The following AGBL1 variants were observed in gnomAD, a reference collection of about 807,000 sequenced individuals.
The protein encoded by AGBL1 is cytosolic carboxypeptidase 4.
Under a neutral mutation model 118.9 loss-of-function variants are expected in AGBL1, and 130 were observed. The observed-to-expected ratio is 1.09, with a 90% CI of 0.95 to 1.26. The LOEUF (loss-of-function observed/expected upper bound fraction) is 1.26. Ranked by LOEUF, AGBL1 falls within the 50% of genes most tolerant of loss-of-function variation. The pLI, the probability that AGBL1 is intolerant of heterozygous loss-of-function variation, is 0.00. For missense variants in AGBL1, 1,584 were observed against 1,298.1 expected, an observed-to-expected ratio of 1.22 and a Z score of -3.38; for synonymous variants, 555 against 478.9, an observed-to-expected ratio of 1.16 and a Z score of -2.08.
intron 22 of AGBL1, among the ~76,000 whole-genome samples, chr15:86,689,627 A>G (rs1030744206): frequency 1.3e-5 from 2 of 152,120 alleles, no homozygotes; most frequent in African/African-American, 4.8e-5. Context: ...GATATTAATT[A>G]ACCTTGATGG....
At chr15:86,204,929 A>G (rs1333642950) in intron 5 of AGBL1, among the ~76,000 whole-genome samples, 1 of 152,108 alleles carries the variant, frequency 6.6e-6, no homozygotes, top group African/African-American at 2.4e-5. Flanking sequence ...ATTGTCACCC[A>G]AAGTCCATAG....
intron 21 of AGBL1, among the ~76,000 whole-genome samples, chr15:86,662,530 G>T (rs1241524930): frequency 6.6e-6 from 1 of 152,330 alleles, no homozygotes; most frequent in South Asian, 2.1e-4. Context: ...TTGCTGGAGA[G>T]TGTATTTTGG....
intron 16 of AGBL1, among the ~76,000 whole-genome samples, chr15:86,292,445 C>T (rs1035995909): frequency 7.2e-5 from 11 of 152,066 alleles, no homozygotes; most frequent in African/African-American, 2.7e-4. Context: ...TTGAATTTTG[C>T]CCAGTGGGAC....
chr15:86,881,901 C>T (rs2079897122), intron 22 of AGBL1, among the ~76,000 whole-genome samples: 1 of 152,064 alleles, frequency 6.6e-6, no homozygotes, highest in African/African-American at 2.4e-5. Context: ...CTAGGTAGTA[C>T]CAAAAGGGGA....
chr15:86,208,610 G>T (rs950523804), intron 5 of AGBL1, among the ~76,000 whole-genome samples: 1 of 152,116 alleles, frequency 6.6e-6, no homozygotes, highest in Non-Finnish European at 1.5e-5. Flanking sequence ...TTTGTGTAGA[G>T]GTGTTTATAG....
At chr15:86,378,104 G>C (rs1299858583) in intron 17 of AGBL1, among the ~76,000 whole-genome samples, 7 of 152,116 alleles carry the variant, frequency 4.6e-5, no homozygotes, top group Non-Finnish European at 1.0e-4. Context: ...TCATACCACA[G>C]TGTGTACATA....
At chr15:86,861,022 G>A (rs1355503997) in intron 22 of AGBL1, among the ~76,000 whole-genome samples, 3 of 152,060 alleles carry the variant, frequency 2.0e-5, no homozygotes, top group Non-Finnish European at 4.4e-5. Context: ...TCCAAGTGAT[G>A]GGCCTTCTTA....
intron 1 of AGBL1, among the ~76,000 whole-genome samples, chr15:86,095,504 G>A (rs1896307052): frequency 2.6e-5 from 4 of 152,056 alleles, no homozygotes; most frequent in Admixed American, 2.6e-4. Flanking sequence ...CTGTGTCAGG[G>A]ACCAGGGACT....
intron 22 of AGBL1, among the ~76,000 whole-genome samples, chr15:86,732,124 G>A (rs142566498): frequency 9.2e-5 from 14 of 152,166 alleles, no homozygotes; most frequent in East Asian, 1.9e-4. Flanking sequence ...AAGAATTTGC[G>A]GACAGTAAAT....
intron 22 of AGBL1, among the ~76,000 whole-genome samples, chr15:86,785,128 A>G (rs1322680804): frequency 6.6e-6 from 1 of 152,050 alleles, no homozygotes; most frequent in Non-Finnish European, 1.5e-5. Context: ...TGCCCTTTCC[A>G]TCCCTGAAGC....
chr15:86,823,835 C>T lies in AGBL1; in HGVS notation c.3159-83252C>T, dbSNP rs565930514. 2.6e-4 allele frequency among the ~76,000 whole-genome samples: 39 copies of T among 152,172 alleles called. 1 individual carries two copies. Among genetic ancestry groups the T allele is most frequent in the Non-Finnish European group, 4.7e-4 (32 of 68,002 alleles). Reference sequence around the variant, plus strand: ...AACAGGCTAAAGGAGAAAAATCATACTCATAGAATTATTGTGGAAAAATTA... The same window carrying T: ...AACAGGCTAAAGGAGAAAAATCATATTCATAGAATTATTGTGGAAAAATTA... On this transcript the variant is annotated intron_variant, in intron 22 of 22. Transcript: ENST00000614907.
chr15:86,363,543 G>A (rs1164221743), intron 17 of AGBL1, among the ~76,000 whole-genome samples: 1 of 152,042 alleles, frequency 6.6e-6, no homozygotes, highest in Non-Finnish European at 1.5e-5. Context: ...GACCTCCATG[G>A]CAGGATCATA....
At chr15:86,952,674 TATTTA>T (rs1179178357) in intron 23 of AGBL1, among the ~76,000 whole-genome samples, 5 of 152,180 alleles carry the variant, frequency 3.3e-5, no homozygotes, top group Admixed American at 2.6e-4. Flanking sequence ...GCTGAGAAGT[TATTTA>T]ATTTAATTAG....
intron 18 of AGBL1, among the ~76,000 whole-genome samples, chr15:86,407,148 A>G (rs1039453539): frequency 1.3e-5 from 2 of 152,142 alleles, no homozygotes; most frequent in African/African-American, 4.8e-5. Flanking sequence ...GATAAACATG[A>G]TTTTATTTTC....
intron 21 of AGBL1, among the ~76,000 whole-genome samples, chr15:86,566,088 G>A (rs936209427): frequency 3.5e-5 from 5 of 141,424 alleles, no homozygotes; most frequent in African/African-American, 1.3e-4. Flanking sequence ...CAGGTGAGGT[G>A]ATGCCTCGCC....
At chr15:86,512,603 G>A (rs1351356564) in intron 18 of AGBL1, among the ~76,000 whole-genome samples, 1 of 151,396 alleles carries the variant, frequency 6.6e-6, no homozygotes, top group Non-Finnish European at 1.5e-5. Flanking sequence ...CTTGGTATTG[G>A]TTGAAGTCTT....
intron 18 of AGBL1, among the ~76,000 whole-genome samples, chr15:86,481,988 T>C (rs937247940): frequency 5.9e-5 from 9 of 152,230 alleles, no homozygotes; most frequent in Non-Finnish European, 1.2e-4. Flanking sequence ...GAAAAAGTAA[T>C]GTATAGATGC....
At chr15:86,852,518 C>G (rs12595382) in intron 22 of AGBL1, among the ~76,000 whole-genome samples, 18,703 of 152,192 alleles carry the variant, frequency 0.12, 1,479 homozygotes, top group Non-Finnish European at 0.16. Context: ...CACCTGCAAG[C>G]CCCCAGACAC....
At chr15:87,013,989 G>T (rs16939710) in intron 24 of AGBL1, among the ~76,000 whole-genome samples, 15,686 of 151,920 alleles carry the variant, frequency 0.1, 1,625 homozygotes, top group African/African-American at 0.27. Flanking sequence ...GCAAAATAGA[G>T]TCCAACTTAT....
Sources: allele counts gnomAD v4.1 joint callset (sites outside exome capture counted in the v4.1 genomes callset), GRCh38; gene constraint gnomAD v4.1.1; transcripts MANE v1.5; gene names NCBI Gene and HGNC (gene_info 2026-07-23, HGNC 2026-07-21).